Variants in CSNK1G1 observed in about 807,000 individuals in gnomAD.
The protein encoded by CSNK1G1 is casein kinase I isoform gamma-1.
In CSNK1G1, 22 loss-of-function variants were observed where a neutral mutation model predicts 59.6. That is an observed-to-expected ratio of 0.37 (90% CI 0.26 to 0.53). CSNK1G1 has a LOEUF of 0.53. Among genes scored for constraint, CSNK1G1 ranks in the 20% least tolerant of loss-of-function variants. The probability of loss-of-function intolerance (pLI) is 0.89; values close to 1 mark genes in which losing one functional copy is unlikely to be tolerated. For synonymous variants in CSNK1G1, 179 were observed against 177.1 expected, an observed-to-expected ratio of 1.01 and a Z score of -0.08; for missense variants, 384 against 519.5, an observed-to-expected ratio of 0.74 and a Z score of 2.54.
At chr15:64,229,017 TCAA>T (rs2082502371) in intron 4 of CSNK1G1, among the ~76,000 whole-genome samples, 1 of 69,878 alleles carries the variant, frequency 1.4e-5, no homozygotes, top group African/African-American at 1.2e-4. Context: ...AGACTCTGTC[TCAA>T]AAAAAAAAAA....
intron 1 of CSNK1G1, among the ~76,000 whole-genome samples, chr15:64,349,120 A>T (rs929336758): frequency 4.0e-5 from 6 of 150,608 alleles, no homozygotes; most frequent in Admixed American, 1.3e-4. Context: ...CTGGGCAACG[A>T]GAGCGAAACT....
chr15:64,229,923 T>A lies in CSNK1G1; in HGVS notation c.293-13210A>T, dbSNP rs1197175284. ...GTAAATTTTTTTTTTTTTTTTTTTT[T>A]TTTTTTTTTTTTTTTTAAGACAGAA... is the stretch of plus-strand genomic sequence containing the variant. On this transcript the variant is annotated intron_variant, in intron 4 of 11. Coordinates refer to ENST00000303052, the MANE Select transcript of CSNK1G1 (RefSeq NM_022048.5). 6.3e-5 allele frequency among the ~76,000 whole-genome samples: 7 copies of A among 111,400 alleles called. 1 individual carries two copies. Among genetic ancestry groups the A allele is most frequent in the African/African-American group, 2.5e-4 (7 of 28,050 alleles). 73.1% of individuals were successfully genotyped at this position (111,400 alleles called of 152,430 possible). A position where few individuals can be genotyped will look rare whatever the true frequency, so the allele number is the denominator to read the frequency against.
chr15:64,258,154 C>T (rs1892491452), intron 3 of CSNK1G1, among the ~76,000 whole-genome samples: 1 of 152,036 alleles, frequency 6.6e-6, no homozygotes, highest in Non-Finnish European at 1.5e-5. Flanking sequence ...TGGTGGCTCA[C>T]GCCTGTAATC....
intron 4 of CSNK1G1, among the ~76,000 whole-genome samples, chr15:64,243,604 A>T (rs1891592359): frequency 6.6e-6 from 1 of 152,228 alleles, no homozygotes; most frequent in Non-Finnish European, 1.5e-5. Context: ...GAGGAAGTCG[A>T]ATTGTCCCTA....
At chr15:64,218,654 G>T (rs1161883808) in intron 4 of CSNK1G1, among the ~76,000 whole-genome samples, 2 of 152,056 alleles carry the variant, frequency 1.3e-5, no homozygotes, top group African/African-American at 4.8e-5. Flanking sequence ...CTCCCAAAAT[G>T]CTGGGATTAC....
Position 64,194,499 on chromosome 15 carries a change from CTTCTTTTCTT to C in CSNK1G1, c.1107+8573_1107+8582del, listed in dbSNP as rs1171707900. On this transcript the variant is annotated intron_variant, in intron 10 of 11. Transcript: ENST00000303052. ...AGCCACAATATATTTTTCTTTTTCT[CTTCTTTTCTT>C]TTCTTTTCTTTTTTTTTTTTTTTTT... 1.6e-3 allele frequency among the ~76,000 whole-genome samples: 235 copies of C among 147,794 alleles called. 2 individuals are homozygous for C. In the South Asian group the frequency reaches 0.016, roughly 10 times the overall value.
In CSNK1G1 at chr15:64,176,797, G is replaced by C. The variant is rs1438971370; in HGVS notation, c.1214+3551C>G. ...CAGCTAGCAGTTAGCTCTTCCTCTA[G>C]AGAGGGAGAAAAGGTTTAAGCGACA... On this transcript the variant is annotated intron_variant, in intron 11 of 11. Coordinates refer to ENST00000303052, the MANE Select transcript of CSNK1G1 (RefSeq NM_022048.5). This position sits in a 1 kb window ranked among gnomAD's most constrained non-coding sequence, Gnocchi z 5.2. Among the ~76,000 whole-genome samples the C allele has an allele frequency of 6.6e-6, 1 of 152,184 alleles. No individual in the cohort carries two copies. Among genetic ancestry groups the C allele is most frequent in the African/African-American group, 2.4e-5 (1 of 41,426 alleles).
At chr15:64,284,185 A>G (rs1021284503) in intron 2 of CSNK1G1, among the ~76,000 whole-genome samples, 1 of 152,212 alleles carries the variant, frequency 6.6e-6, no homozygotes, top group Non-Finnish European at 1.5e-5. Context: ...TTACCAGTCT[A>G]TATGTCTATC....
rs1892085566 is a variant in CSNK1G1 at position 64,251,563 on chromosome 15, C to T, written c.241G>A (p.Ala81Thr). Reference protein sequence around the residue: ...AIKLEPIKSRAPQLHLEYRFY... With the variant: ...AIKLEPIKSRTPQLHLEYRFY... ...CTGTACTCTAAATGAAGCTGTGGAG[C>T]ACGTGATTTTATTGGTTCCTGAAAT... The change falls in exon 4 of 12, where the codon GCT becomes ACT. Residue 81 changes from alanine to threonine, a missense_variant. By Grantham distance (58) the Ala-to-Thr change is moderately conservative (BLOSUM62 0). Transcript: ENST00000303052. The T allele has an allele frequency of 1.9e-6, 3 of 1,612,340 alleles. No homozygotes were observed. Among genetic ancestry groups the T allele is most frequent in the Non-Finnish European group, 2.5e-6 (3 of 1,178,898 alleles).
chr15:64,308,618 C>T (rs1895818555), intron 1 of CSNK1G1, among the ~76,000 whole-genome samples: 1 of 151,962 alleles, frequency 6.6e-6, no homozygotes. Context: ...AAATCCTGGC[C>T]AGGCGCGGTG....
intron 2 of CSNK1G1, among the ~76,000 whole-genome samples, chr15:64,294,629 G>C (rs993591389): frequency 3.9e-5 from 6 of 152,108 alleles, no homozygotes. Flanking sequence ...GATAGGGAAG[G>C]GCCAGGAGTG....
chr15:64,279,927 G>A (rs920295699), intron 2 of CSNK1G1, among the ~76,000 whole-genome samples: 21 of 148,816 alleles, frequency 1.4e-4, no homozygotes, highest in African/African-American at 3.0e-4. Flanking sequence ...TGCCGAGATC[G>A]CACCACTGCA....
At chr15:64,193,295 T>C (rs973133250) in intron 10 of CSNK1G1, among the ~76,000 whole-genome samples, 1 of 151,790 alleles carries the variant, frequency 6.6e-6, no homozygotes, top group African/African-American at 2.4e-5. Flanking sequence ...ATTGAGACCA[T>C]CCTGGCCAAC....
chr15:64,322,397 C>T (rs1896611442), intron 1 of CSNK1G1, among the ~76,000 whole-genome samples: 1 of 151,954 alleles, frequency 6.6e-6, no homozygotes, highest in South Asian at 2.1e-4. Flanking sequence ...TGCCCAAGGT[C>T]TTACTACATT....
intron 2 of CSNK1G1, among the ~76,000 whole-genome samples, chr15:64,290,802 A>C (rs939214975): frequency 2.0e-5 from 3 of 152,164 alleles, no homozygotes; most frequent in Admixed American, 6.5e-5. Flanking sequence ...CCCAGACTAG[A>C]GTGCAATGGC....
intron 2 of CSNK1G1, among the ~76,000 whole-genome samples, chr15:64,297,672 G>A (rs896338017): frequency 1.3e-5 from 2 of 151,798 alleles, no homozygotes; most frequent in African/African-American, 2.4e-5. Flanking sequence ...ACTCCAGGGC[G>A]GGTAACAGAG....
At chr15:64,327,030 C>T (rs1896883218) in intron 1 of CSNK1G1, among the ~76,000 whole-genome samples, 2 of 151,016 alleles carry the variant, frequency 1.3e-5, no homozygotes, top group South Asian at 2.1e-4. Flanking sequence ...CCTACGCCCA[C>T]GGAATCTCGC....
At chr15:64,303,604 T>C (rs1895487856) in intron 1 of CSNK1G1, among the ~76,000 whole-genome samples, 1 of 151,632 alleles carries the variant, frequency 6.6e-6, no homozygotes, top group African/African-American at 2.4e-5. Flanking sequence ...ACAAAAAAAT[T>C]AGCCAGGCGT....
intron 1 of CSNK1G1, among the ~76,000 whole-genome samples, chr15:64,313,328 T>C (rs1177251286): frequency 6.6e-6 from 1 of 152,154 alleles, no homozygotes; most frequent in African/African-American, 2.4e-5. Context: ...CTATTCACAA[T>C]AGCAAAGACT....
Sources: allele counts gnomAD v4.1 joint callset (sites outside exome capture counted in the v4.1 genomes callset), GRCh38; gene constraint gnomAD v4.1.1; non-coding constraint Gnocchi (gnomAD v3.1); transcripts MANE v1.5; gene names NCBI Gene and HGNC (gene_info 2026-07-23, HGNC 2026-07-21).